Variants in CCER2 observed in about 807,000 individuals in gnomAD.
CCER2 encodes the protein coiled-coil domain-containing glutamate-rich protein 2.
Under a neutral mutation model 27.1 loss-of-function variants are expected in CCER2, and 20 were observed. The ratio of observed to expected loss-of-function variants is 0.74; its 90% CI spans 0.52 to 1.07. The LOEUF is 1.07. CCER2 is among the 50% of genes least tolerant of loss of function. The pLI is 0.00. For synonymous variants in CCER2, 140 were observed against 144.3 expected, an observed-to-expected ratio of 0.97 and a Z score of 0.21; for missense variants, 351 against 344.7, an observed-to-expected ratio of 1.02 and a Z score of -0.14.
rs1600157402 is a variant in CCER2, at chr19:38,911,804, C to A, written c.102+8G>T. ...GGTGAGGCAGGGCAAGGCCTCCACA[C>A]TCCTCACCTCCTCCTTGGAGGGTCT... On this transcript the variant is annotated splice_region_variant and intron_variant, in intron 2 of 4. Transcript: ENST00000571838. 1 of 1,535,200 alleles carries A rather than the reference C, an allele frequency of 6.5e-7. No homozygotes were observed. Among genetic ancestry groups the A allele is most frequent in the Non-Finnish European group, 8.7e-7 (1 of 1,146,590 alleles).
chr19:38,912,000 T>G, intron 1 of CCER2, 98 bp downstream of exon 1: 1 of 1,478,460 alleles, frequency 6.8e-7, no homozygotes, highest in Non-Finnish European at 9.0e-7. Context: ...GCTCGGCCCC[T>G]GAAGCCTCTC....
chr19:38,911,060 C>G lies in CCER2; in HGVS notation c.214G>C (p.Gly72Arg). 6.9e-7 allele frequency: 1 copy of G among 1,457,290 alleles called. No individual in the cohort carries two copies. Among genetic ancestry groups the G allele is most frequent in the Non-Finnish European group, 9.0e-7 (1 of 1,111,340 alleles). The allele number at this position is 1,457,290 out of a possible 1,614,324, so 90.3% of individuals were successfully genotyped here. The stretch of plus-strand genomic sequence containing the variant: ...CCTTTCTCCTCGGTGGACGCACAGC[C>G]GTGGGGCTCTGTCCCGCACAACTCT... ...HKELCGTEPH[G>R]CASTEEKGLL... Residue 72 changes from glycine to arginine, a missense_variant, in exon 4 of 5, where the codon GGC becomes CGC. Gly to Arg is a moderately radical substitution (Grantham distance 125). Coordinates refer to ENST00000571838, the MANE Select transcript of CCER2 (RefSeq NM_001243212.2).
chr19:38,911,989 G>A, intron 1 of CCER2, 109 bp downstream of exon 1: 8 of 1,474,420 alleles, frequency 5.4e-6, no homozygotes, highest in Non-Finnish European at 7.2e-6. Flanking sequence ...CCCCGCTGGA[G>A]GCTCGGCCCC....
At chr19:38,909,871 G>C (rs1291147332) in intron 4 of CCER2, among the ~76,000 whole-genome samples, 1 of 115,420 alleles carries the variant, frequency 8.7e-6, no homozygotes, top group Non-Finnish European at 1.7e-5. Flanking sequence ...ACCATGCCCA[G>C]CCATTTTTTT....
In CCER2 at chr19:38,910,690, C is replaced by A; in HGVS notation, c.584G>T (p.Arg195Leu). Residue 195 changes from arginine to leucine, a missense_variant, in exon 4 of 5, where the codon CGC becomes CTC. Coordinates refer to ENST00000571838, the MANE Select transcript of CCER2 (RefSeq NM_001243212.2). ...TCTCTCGGCCCCCTGCCACAGGCTG[C>A]GGTCCCCGCCCAGCACCCGCACCCC... ...EKGVRVLGGD[R>L]SLWQGAERGG... is the part of the protein sequence containing the mutation. 1 of 1,533,104 alleles carries A rather than the reference C, an allele frequency of 6.5e-7. No individual in the cohort carries two copies. The highest frequency in any genetic ancestry group is 8.7e-7 in the Non-Finnish European group (1 of 1,145,470). 95.0% of individuals were successfully genotyped at this position (1,533,104 alleles called of 1,614,324 possible). A position where few individuals can be genotyped will look rare whatever the true frequency, so the allele number is the denominator to read the frequency against.
chr19:38,910,271 G>C (rs1974277540), intron 4 of CCER2, among the ~76,000 whole-genome samples: 1 of 152,202 alleles, frequency 6.6e-6, no homozygotes. Context: ...TAGTGAAGTA[G>C]GCACAGCAGC....
At chr19:38,909,566 G>A (rs975906684) in intron 4 of CCER2, among the ~76,000 whole-genome samples, 3 of 152,040 alleles carry the variant, frequency 2.0e-5, no homozygotes, top group African/African-American at 7.2e-5. Flanking sequence ...TGAGCACCTC[G>A]TGATGGCGCT....
Position 38,909,063 on chromosome 19 carries a change from C to T in CCER2, c.*173G>A. On this transcript the variant is annotated 3_prime_UTR_variant, in exon 5 of 5. Transcript: ENST00000571838. ...GGGTGCTTCCTGTGTCAGGGCTGAG[C>T]CCAGCCCCCGGCCCAGCTCAGACTC... The T allele has an allele frequency of 1.1e-6, 1 of 940,440 alleles. No homozygotes were observed. The highest frequency in any genetic ancestry group is 1.6e-6 in the Non-Finnish European group (1 of 642,616). 58.3% of individuals were successfully genotyped at this position (940,440 alleles called of 1,614,324 possible).
At chr19:38,909,377 C>G (rs1017896199) in intron 4 of CCER2, 52 bp from the exon 5 acceptor site, 1 of 1,494,590 alleles carries the variant, frequency 6.7e-7, no homozygotes, top group Non-Finnish European at 9.0e-7. Flanking sequence ...AGGCAGGCCA[C>G]CTCGGTCACT....
In CCER2 at chr19:38,912,119, G is replaced by T; in HGVS notation, c.40C>A (p.Arg14=). Reference sequence around the variant, plus strand: ...TCACCCGCCCCCAGCAGGAGCAGCCGCAGCAGCAGCAGCTCAGAGGCTGGC... The same window carrying T: ...TCACCCGCCCCCAGCAGGAGCAGCCTCAGCAGCAGCAGCTCAGAGGCTGGC... ...RGPASELLLL[R]LLLLGAATAA... The change falls in exon 1 of 5, where the codon CGG becomes AGG. Residue 14 remains arginine, a synonymous_variant. Transcript: ENST00000571838. 1 of 1,511,074 alleles carries T rather than the reference G, an allele frequency of 6.6e-7. No individual in the cohort carries two copies. The highest frequency in any genetic ancestry group is 8.8e-7 in the Non-Finnish European group (1 of 1,136,314). 93.6% of individuals were successfully genotyped at this position (1,511,074 alleles called of 1,614,324 possible).
chr19:38,911,978 C>A, intron 1 of CCER2, 120 bp downstream of exon 1: 1 of 1,475,176 alleles, frequency 6.8e-7, no homozygotes, highest in South Asian at 1.3e-5. Context: ...GGTGTACTGT[C>A]CCCCGCTGGA....
rs1395642841 is a variant in CCER2 at position 38,909,187 on chromosome 19, G to T, written c.*49C>A. 14 of 1,514,106 alleles carry T rather than the reference G, an allele frequency of 9.2e-6. No homozygotes were observed. The highest frequency in any genetic ancestry group is 1.2e-5 in the Non-Finnish European group (13 of 1,127,340). 93.8% of individuals were successfully genotyped at this position (1,514,106 alleles called of 1,614,324 possible). ...TGAGGTGGAGGCTTCGGGGTCAACA[G>T]TCCTAAGCCACAGGGTGTGTCAGGA... On this transcript the variant is annotated 3_prime_UTR_variant, in exon 5 of 5. Coordinates refer to ENST00000571838, the MANE Select transcript of CCER2 (RefSeq NM_001243212.2).
rs1360234896 is a variant in CCER2 at position 38,910,623 on chromosome 19, G to A, written c.651C>T (p.His217=). ...ERREDLPHHH[H]HHHQPEAEPR... is the part of the protein sequence containing the mutation. ...GCTCAGCCTCTGGCTGGTGGTGGTGGTGGTGGTGGTGGGGCAAGTCCTCGC... is the reference window on the plus strand; with the variant it reads ...GCTCAGCCTCTGGCTGGTGGTGGTGATGGTGGTGGTGGGGCAAGTCCTCGC... The change falls in exon 4 of 5, where the codon CAC becomes CAT. Residue 217 remains histidine, a synonymous_variant. Transcript: ENST00000571838. The A allele has an allele frequency of 6.6e-7, 1 of 1,524,930 alleles. No homozygotes were observed. Among genetic ancestry groups the A allele is most frequent in the South Asian group, 1.2e-5 (1 of 82,342 alleles). 94.5% of individuals were successfully genotyped at this position (1,524,930 alleles called of 1,614,324 possible).
chr19:38,912,030 C>T (rs2144752774), intron 1 of CCER2, 68 bp downstream of exon 1: 1 of 1,503,258 alleles, frequency 6.7e-7, no homozygotes, highest in East Asian at 2.5e-5. Flanking sequence ...CACTGCCTGC[C>T]CCCTCCCACT....
At chr19:38,909,993 C>T (rs1346269872) in intron 4 of CCER2, among the ~76,000 whole-genome samples, 1 of 152,024 alleles carries the variant, frequency 6.6e-6, no homozygotes, top group African/African-American at 2.4e-5. Context: ...CCACCTCAGC[C>T]TCCTGAGAGC....
intron 3 of CCER2, 62 bp downstream of exon 3, chr19:38,911,504 G>C: frequency 7.2e-7 from 1 of 1,380,410 alleles, no homozygotes; most frequent in Non-Finnish European, 9.9e-7. Context: ...CAGGACCCTG[G>C]GTGGGGTAGG....
intron 3 of CCER2, 38 bp downstream of exon 3, chr19:38,911,528 G>A (rs372713549): frequency 6.6e-7 from 1 of 1,508,628 alleles, no homozygotes; most frequent in South Asian, 1.2e-5. Context: ...GGGTCCCATG[G>A]GGTTGTGGAG....
intron 1 of CCER2, 102 bp downstream of exon 1, chr19:38,911,996 C>T (rs1974317732): frequency 6.8e-7 from 1 of 1,475,120 alleles, no homozygotes; most frequent in East Asian, 2.5e-5. Context: ...GGAGGCTCGG[C>T]CCCTGAAGCC....
rs1411231182 is a variant in CCER2, at chr19:38,909,250, T to C, written c.787A>G (p.Arg263Gly). 4 of 1,529,142 alleles carry C rather than the reference T, an allele frequency of 2.6e-6. No homozygotes were observed. The highest frequency in any genetic ancestry group is 3.5e-6 in the Non-Finnish European group (4 of 1,140,948). The allele number at this position is 1,529,142 out of a possible 1,614,324, so 94.7% of individuals were successfully genotyped here. A position where few individuals can be genotyped will look rare whatever the true frequency, so the allele number is the denominator to read the frequency against. The change falls in exon 5 of 5, where the codon AGG becomes GGG. Residue 263 changes from arginine to glycine, a missense_variant. Coordinates refer to ENST00000571838, the MANE Select transcript of CCER2 (RefSeq NM_001243212.2). ...TGAGGTAGGGGTCAGCCCTCCCTCC[T>C]GAGCTGCTCCCCCAGCGTCTCTGTC... is the stretch of plus-strand genomic sequence containing the variant. ...KVTETLGEQL[R>G]REG
Sources: allele counts gnomAD v4.1 joint callset (sites outside exome capture counted in the v4.1 genomes callset), GRCh38; gene constraint gnomAD v4.1.1; transcripts MANE v1.5; gene names NCBI Gene and HGNC (gene_info 2026-07-23, HGNC 2026-07-21).